BMPR1B: variants seen among roughly 807,000 people sequenced by gnomAD.
BMPR1B encodes the protein bone morphogenetic protein receptor type 1B.
BMPR1B carries 12 observed loss-of-function variants against 59.1 expected under a neutral mutation model. The observed-to-expected ratio is 0.20, with a 90% CI of 0.13 to 0.33. BMPR1B has a LOEUF of 0.33. BMPR1B is among the 10% of genes least tolerant of loss of function. The pLI, the probability that BMPR1B is intolerant of heterozygous loss-of-function variation, is 1.00. For missense variants in BMPR1B, 550 were observed against 610.9 expected (o/e 0.90, Z 1.05); for synonymous variants, 237 against 207.3 (o/e 1.14, Z -1.23).
chr4:95,013,123 G>T (rs1578926622), intron 3 of BMPR1B, among the ~76,000 whole-genome samples: 1 of 151,314 alleles, frequency 6.6e-6, no homozygotes, highest in African/African-American at 2.4e-5. Context: ...AAAAAGTTAT[G>T]TGCCCTTTAG....
chr4:95,057,699 A>G lies in BMPR1B; in HGVS notation c.-17-46709A>G, dbSNP rs530069078. On this transcript the variant is annotated intron_variant, in intron 3 of 12. Coordinates refer to ENST00000515059, the MANE Select transcript of BMPR1B (RefSeq NM_001203.3). Reference sequence around the variant, plus strand: ...CTGGTTTTTCTAGAAGAGGGTTTGGATTATATTGACAATCAAAAACCTTTA... The same window carrying G: ...CTGGTTTTTCTAGAAGAGGGTTTGGGTTATATTGACAATCAAAAACCTTTA... Among the ~76,000 whole-genome samples, 23 of 152,168 alleles carry G rather than the reference A, an allele frequency of 1.5e-4. No homozygotes were observed. The South Asian group carries it at 3.3e-3, about 22-fold the overall frequency.
chr4:94,933,903 A>G (rs1217555767), intron 2 of BMPR1B, among the ~76,000 whole-genome samples: 1 of 152,160 alleles, frequency 6.6e-6, no homozygotes, highest in Non-Finnish European at 1.5e-5. Context: ...AAAGTTTAAG[A>G]GAAAAGAAAA....
chr4:94,790,676 TC>T (rs1722947647), intron 1 of BMPR1B, among the ~76,000 whole-genome samples: 2 of 152,222 alleles, frequency 1.3e-5, no homozygotes, highest in African/African-American at 2.4e-5. Context: ...TGCTATATCT[TC>T]CTACAGTTAA....
chr4:94,781,873 G>T lies in BMPR1B; in HGVS notation c.-183+23805G>T, dbSNP rs76613803. Among the ~76,000 whole-genome samples, 1,096 of 152,090 alleles carry T rather than the reference G, an allele frequency of 7.2e-3. 12 individuals are homozygous for T. Among genetic ancestry groups the T allele is most frequent in the African/African-American group, 0.025 (1,052 of 41,480 alleles). ...TTCTGTGTTACCGGTTAACCTCATT[G>T]CAGTTTCCTTGTATGCAAAGAGTCA... On this transcript the variant is annotated intron_variant, in intron 1 of 12. Coordinates refer to ENST00000515059, the MANE Select transcript of BMPR1B (RefSeq NM_001203.3).
In BMPR1B at chr4:95,071,650, G is replaced by GTATATATATA. The variant is rs1459082558; in HGVS notation, c.-17-32757_-17-32756insATATATATAT. Among the ~76,000 whole-genome samples, 618 of 78,352 alleles carry GTATATATATA rather than the reference G, an allele frequency of 7.9e-3. 5 individuals are homozygous for GTATATATATA. Among genetic ancestry groups the GTATATATATA allele is most frequent in the Middle Eastern group, 0.044 (5 of 114 alleles). 51.4% of individuals were successfully genotyped at this position (78,352 alleles called of 152,430 possible). On this transcript the variant is annotated intron_variant, in intron 3 of 12. Transcript: ENST00000515059. ...TGTGTGTTTGTGTGTGTGTGTGTGT[G>GTATATATATA]TGTATATATATATATATATATATAT...
intron 3 of BMPR1B, among the ~76,000 whole-genome samples, chr4:95,061,155 G>A (rs1190968104): frequency 8.5e-6 from 1 of 117,362 alleles, no homozygotes; most frequent in Non-Finnish European, 1.7e-5. Flanking sequence ...ACTTGATTTA[G>A]AATAAACACA....
intron 3 of BMPR1B, among the ~76,000 whole-genome samples, chr4:95,086,762 TAGAG>T (rs138836173): frequency 0.034 from 5,234 of 152,224 alleles, 124 homozygotes; most frequent in South Asian, 0.062. Flanking sequence ...AATGTGTCGG[TAGAG>T]AGATCAGATT....
At chr4:94,924,322 C>CT (rs920015496) in intron 2 of BMPR1B, among the ~76,000 whole-genome samples, 1 of 152,006 alleles carries the variant, frequency 6.6e-6, no homozygotes, top group Non-Finnish European at 1.5e-5. Flanking sequence ...AAGATACTAA[C>CT]TTTTTTGCAT....
Position 95,121,717 on chromosome 4 carries a change from T to G in BMPR1B, c.350-2093T>G, listed in dbSNP as rs1027203282. 4.7e-5 allele frequency among the ~76,000 whole-genome samples: 7 copies of G among 147,470 alleles called. 1 individual carries two copies. The highest frequency in any genetic ancestry group is 4.6e-4 in the Admixed American group (7 of 15,142). On this transcript the variant is annotated intron_variant, in intron 6 of 12. Coordinates refer to ENST00000515059, the MANE Select transcript of BMPR1B (RefSeq NM_001203.3). ...TGGAATTCTTTTTTCTTATTTTTTTTCTGTAAGGGTGAAATTATTTCAAAA... is the reference window on the plus strand; with the variant it reads ...TGGAATTCTTTTTTCTTATTTTTTTGCTGTAAGGGTGAAATTATTTCAAAA...
intron 3 of BMPR1B, among the ~76,000 whole-genome samples, chr4:95,028,744 C>T (rs1215159866): frequency 6.6e-6 from 1 of 151,746 alleles, no homozygotes; most frequent in African/African-American, 2.4e-5. Context: ...TTATGTGTTT[C>T]CATGTAAAAA....
intron 1 of BMPR1B, among the ~76,000 whole-genome samples, chr4:94,764,718 G>A (rs10020280): frequency 0.24 from 36,459 of 151,932 alleles, 4,925 homozygotes; most frequent in Middle Eastern, 0.41. Context: ...TATAAATACT[G>A]TCAATCAGTT....
At chr4:94,772,906 A>G (rs1722235791) in intron 1 of BMPR1B, among the ~76,000 whole-genome samples, 1 of 152,166 alleles carries the variant, frequency 6.6e-6, no homozygotes. Context: ...ATGACCCTTC[A>G]TAATTGTATT....
intron 3 of BMPR1B, among the ~76,000 whole-genome samples, chr4:95,025,129 C>T (rs189648943): frequency 4.0e-5 from 6 of 151,878 alleles, no homozygotes; most frequent in East Asian, 1.9e-4. Context: ...GTATAGGGAC[C>T]GTGGAAGGAA....
At chr4:94,977,949 A>G (rs1479926026) in intron 2 of BMPR1B, among the ~76,000 whole-genome samples, 1 of 152,218 alleles carries the variant, frequency 6.6e-6, no homozygotes, top group African/African-American at 2.4e-5. Flanking sequence ...TTCTATTTTC[A>G]ACATCACTAT....
intron 1 of BMPR1B, among the ~76,000 whole-genome samples, chr4:94,829,966 CTT>C (rs1724516123): frequency 6.6e-6 from 1 of 152,086 alleles, no homozygotes; most frequent in Non-Finnish European, 1.5e-5. Flanking sequence ...GTGCATCTAT[CTT>C]TTGTAGGAAG....
intron 6 of BMPR1B, among the ~76,000 whole-genome samples, chr4:95,116,414 A>AGCGCGCGCGCGC (rs746066664): frequency 5.4e-5 from 4 of 74,258 alleles, no homozygotes; most frequent in African/African-American, 1.7e-4. Flanking sequence ...CCATGCTTTC[A>AGCGCGCGCGCGC]GCGCGCGCAC....
chr4:94,989,724 A>G lies in BMPR1B; in HGVS notation c.-112-6316A>G, dbSNP rs537183835. Among the ~76,000 whole-genome samples, 62 of 152,292 alleles carry G rather than the reference A, an allele frequency of 4.1e-4. No homozygotes were observed. The Middle Eastern group carries it at 0.017, about 42-fold the overall frequency. On this transcript the variant is annotated intron_variant, in intron 2 of 12. Coordinates refer to ENST00000515059, the MANE Select transcript of BMPR1B (RefSeq NM_001203.3). ...TATACTAATAAATAAAATATTTCTT[A>G]TTCCTTATTCATTTATTTATTAGTT...
intron 10 of BMPR1B, among the ~76,000 whole-genome samples, chr4:95,132,220 A>G (rs927454251): frequency 6.6e-6 from 1 of 152,214 alleles, no homozygotes; most frequent in African/African-American, 2.4e-5. Flanking sequence ...CTTGCAAACC[A>G]CTGGTGTAGA....
chr4:94,773,451 ATAAT>A (rs1560477774), intron 1 of BMPR1B, among the ~76,000 whole-genome samples: 1 of 152,230 alleles, frequency 6.6e-6, no homozygotes, highest in South Asian at 2.1e-4. Flanking sequence ...TACAAATCTA[ATAAT>A]TATACAGAGT....
Sources: gnomAD v4.1 joint callset for allele counts (sites outside exome capture counted in the v4.1 genomes callset) on GRCh38, gnomAD v4.1.1 for gene constraint, MANE v1.5 for transcripts, NCBI Gene and HGNC (gene_info 2026-07-23, HGNC 2026-07-21) for gene names.